Variants in TLK2 observed in about 807,000 individuals in gnomAD.
TLK2 encodes the protein serine/threonine-protein kinase tousled-like 2.
Under a neutral mutation model 117.3 loss-of-function variants are expected in TLK2, and 6 were observed. The ratio of observed to expected loss-of-function variants is 0.05; its 90% CI spans 0.03 to 0.10. TLK2 has a LOEUF of 0.10. TLK2 is among the 10% of genes least tolerant of loss of function. The pLI, the probability that TLK2 is intolerant of heterozygous loss-of-function variation, is 1.00. For missense variants in TLK2, 299 were observed against 901.2 expected (o/e 0.33, Z 8.56); for synonymous variants, 257 against 316.7 (o/e 0.81, Z 2.00).
chr17:62,597,343 C>G (rs2082554560), intron 17 of TLK2: 2 of 152,152 alleles, frequency 1.3e-5, no homozygotes, highest in Non-Finnish European at 2.9e-5. Context: ...GTACTTCATT[C>G]CTTTTTATGG....
intron 11 of TLK2, 81 bp from the exon 12 acceptor site, chr17:62,573,134 A>G: frequency 6.9e-7 from 1 of 1,455,102 alleles, no homozygotes; most frequent in Non-Finnish European, 9.2e-7. Context: ...TTGGATACAC[A>G]AGTGACAAAT....
chr17:62,589,537 C>T (rs769121086), intron 16 of TLK2, among the ~76,000 whole-genome samples: 5 of 152,108 alleles, frequency 3.3e-5, no homozygotes, highest in African/African-American at 4.8e-5. Context: ...GTAAGAGATG[C>T]GGTTTTAGAG....
chr17:62,529,370 G>A (rs2076589218), intron 6 of TLK2, among the ~76,000 whole-genome samples: 1 of 152,076 alleles, frequency 6.6e-6, no homozygotes, highest in Admixed American at 6.5e-5. Context: ...CCAAATACCT[G>A]GGATTACAGG....
chr17:62,564,314 A>G (rs1456599155), intron 10 of TLK2, among the ~76,000 whole-genome samples: 2 of 152,074 alleles, frequency 1.3e-5, no homozygotes, highest in African/African-American at 2.4e-5. Context: ...AAGGCGGGCA[A>G]ATCATGAGGT....
rs2147372148 is a variant in TLK2 at position 62,613,528 on chromosome 17, T to C, written c.*963T>C. On this transcript the variant is annotated 3_prime_UTR_variant, in exon 22 of 22. Transcript: ENST00000346027. Reference sequence around the variant, plus strand: ...TCTCTGAATGTAGTAACTATGAAGCTATGCCAAAGGTAGGCAGAAAATGGG... The same window carrying C: ...TCTCTGAATGTAGTAACTATGAAGCCATGCCAAAGGTAGGCAGAAAATGGG... 1 of 152,778 alleles carries C rather than the reference T, an allele frequency of 6.5e-6. No homozygotes were observed. The highest frequency in any genetic ancestry group is 2.1e-4 in the South Asian group (1 of 4,828). The allele number at this position is 152,778 out of a possible 1,614,324, so 9.5% of individuals were successfully genotyped here. A position where few individuals can be genotyped will look rare whatever the true frequency, so the allele number is the denominator to read the frequency against.
chr17:62,570,966 A>G (rs1365325939), intron 11 of TLK2, among the ~76,000 whole-genome samples: 2 of 152,160 alleles, frequency 1.3e-5, no homozygotes, highest in African/African-American at 4.8e-5. Context: ...TGTATATTGT[A>G]TGTTTATCTG....
At chr17:62,529,623 A>G (rs1462775063) in intron 6 of TLK2, among the ~76,000 whole-genome samples, 3 of 152,188 alleles carry the variant, frequency 2.0e-5, no homozygotes, top group Non-Finnish European at 2.9e-5. Context: ...AATACTGTCA[A>G]ATTTGCATTA....
At chr17:62,571,170 A>G (rs1182261284) in intron 11 of TLK2, among the ~76,000 whole-genome samples, 3 of 152,168 alleles carry the variant, frequency 2.0e-5, no homozygotes, top group Non-Finnish European at 2.9e-5. Context: ...AATTATATAT[A>G]TAGTTGTCCC....
chr17:62,541,768 G>GGT (rs61519955), intron 7 of TLK2, among the ~76,000 whole-genome samples: 1 of 151,662 alleles, frequency 6.6e-6, no homozygotes, highest in African/African-American at 2.4e-5. Context: ...TGCAACTAGA[G>GGT]TGCACCACAG....
At chr17:62,476,269 C>T (rs1313113467), upstream of TLK2, among the ~76,000 whole-genome samples, 7 of 152,030 alleles carry the variant, frequency 4.6e-5, no homozygotes, top group Non-Finnish European at 8.8e-5. Context: ...CGTGAGCTAC[C>T]GCACCCAGCC....
rs2082720988 is a variant in TLK2 at position 62,599,483 on chromosome 17, G to A, written c.1551-1168G>A. 2.0e-5 allele frequency among the ~76,000 whole-genome samples: 3 copies of A among 152,146 alleles called. No individual in the cohort carries two copies. In the South Asian group the frequency reaches 6.2e-4, roughly 32 times the overall value. ...TAGGCTGTGTTTATCAGGCCCATGT[G>A]TCCATTGGTGTTCTGTTGGTTTCAG... On this transcript the variant is annotated intron_variant, in intron 17 of 21. Coordinates refer to ENST00000346027, the MANE Select transcript of TLK2 (RefSeq NM_006852.6).
chr17:62,603,792 C>T (rs2083047484), intron 19 of TLK2, among the ~76,000 whole-genome samples: 1 of 151,952 alleles, frequency 6.6e-6, no homozygotes, highest in African/African-American at 2.4e-5. Flanking sequence ...GACAGGGCTT[C>T]TGAGAAGATT....
At chr17:62,526,961 A>C (rs1217211987) in intron 6 of TLK2, among the ~76,000 whole-genome samples, 1 of 152,162 alleles carries the variant, frequency 6.6e-6, no homozygotes, top group Non-Finnish European at 1.5e-5. Context: ...TGAAGTCTTT[A>C]TGTGACCTAA....
intron 2 of TLK2, among the ~76,000 whole-genome samples, chr17:62,499,168 C>T (rs2073973350): frequency 6.6e-6 from 1 of 151,958 alleles, no homozygotes; most frequent in Non-Finnish European, 1.5e-5. Flanking sequence ...CGGCAAAACC[C>T]TGTCTCTACT....
intron 16 of TLK2, among the ~76,000 whole-genome samples, chr17:62,593,290 C>T (rs1052977420): frequency 2.0e-5 from 3 of 152,184 alleles, no homozygotes; most frequent in African/African-American, 7.2e-5. Context: ...TACTGTTGTA[C>T]ACTACTGTAG....
chr17:62,573,631 A>G (rs1015534256), intron 12 of TLK2, among the ~76,000 whole-genome samples: 4 of 152,242 alleles, frequency 2.6e-5, no homozygotes, highest in Non-Finnish European at 4.4e-5. Context: ...ACTCCTGGTT[A>G]ACAAATAAGA....
intron 1 of TLK2, among the ~76,000 whole-genome samples, chr17:62,471,801 T>G (rs972590083): frequency 6.8e-6 from 1 of 147,926 alleles, no homozygotes; most frequent in African/African-American, 2.5e-5. Context: ...TGGAGCCCAG[T>G]CAAGAGCAGG....
intron 2 of TLK2, among the ~76,000 whole-genome samples, chr17:62,509,513 A>G (rs945260026): frequency 6.6e-6 from 1 of 152,250 alleles, no homozygotes; most frequent in African/African-American, 2.4e-5. Flanking sequence ...AAAATAAAAT[A>G]AAAATACTAG....
chr17:62,499,210 G>A (rs1336231712), intron 2 of TLK2, among the ~76,000 whole-genome samples: 1 of 151,974 alleles, frequency 6.6e-6, no homozygotes, highest in Non-Finnish European at 1.5e-5. Flanking sequence ...GCTTGTTGGT[G>A]TGCGCTTGTA....
Sources: allele counts gnomAD v4.1 joint callset (sites outside exome capture counted in the v4.1 genomes callset), GRCh38; gene constraint gnomAD v4.1.1; transcripts MANE v1.5; gene names NCBI Gene and HGNC (gene_info 2026-07-23, HGNC 2026-07-21).